DHRSX: variants seen among roughly 807,000 people sequenced by gnomAD.
The protein encoded by DHRSX is polyprenol dehydrogenase.
DHRSX carries 31 observed loss-of-function variants against 34.0 expected under a neutral mutation model. The ratio of observed to expected loss-of-function variants is 0.91; its 90% CI spans 0.69 to 1.23. The LOEUF is 1.23. Ranked by LOEUF, DHRSX falls within the 50% of genes most tolerant of loss-of-function variation. DHRSX has a pLI of 0.00. For synonymous variants in DHRSX, 201 were observed against 183.8 expected (o/e 1.09, Z -0.76); for missense variants, 414 against 428.1 (o/e 0.97, Z 0.29).
intron 1 of DHRSX, among the ~76,000 whole-genome samples, chrX:2,440,997 A>G (rs1343769647): frequency 6.6e-6 from 1 of 152,164 alleles, no homozygotes; most frequent in Non-Finnish European, 1.5e-5. Context: ...GGAGCTACAG[A>G]CGACGCAGAC....
At chrX:2,241,103 GA>G (rs2016130916) in intron 6 of DHRSX, among the ~76,000 whole-genome samples, 1 of 152,084 alleles carries the variant, frequency 6.6e-6, no homozygotes, top group Admixed American at 6.6e-5. Context: ...AGAATCACTT[GA>G]ACCCGGGAGG....
intron 1 of DHRSX, among the ~76,000 whole-genome samples, chrX:2,461,105 C>T (rs2044396641): frequency 6.6e-6 from 1 of 152,168 alleles, no homozygotes; most frequent in Non-Finnish European, 1.5e-5. Flanking sequence ...CAAACCAACA[C>T]CTTTTAAAAC....
intron 3 of DHRSX, among the ~76,000 whole-genome samples, chrX:2,326,224 G>A (rs2042384185): frequency 6.6e-6 from 1 of 152,072 alleles, no homozygotes; most frequent in Non-Finnish European, 1.5e-5. Context: ...ACAAGCCTAA[G>A]TAAGTTAAAA....
intron 3 of DHRSX, among the ~76,000 whole-genome samples, chrX:2,315,833 A>G (rs2042235297): frequency 6.6e-6 from 1 of 152,126 alleles, no homozygotes; most frequent in Non-Finnish European, 1.5e-5. Context: ...GGCAAAATTC[A>G]GCTTCTTGTG....
At chrX:2,464,568 G>T (rs28665426) in intron 1 of DHRSX, among the ~76,000 whole-genome samples, 10,938 of 149,168 alleles carry the variant, frequency 0.073, 497 homozygotes, top group East Asian at 0.2. Flanking sequence ...TGTTCGCACT[G>T]AAGACGCTCC....
intron 1 of DHRSX, among the ~76,000 whole-genome samples, chrX:2,455,095 A>G: frequency 7.0e-6 from 1 of 142,538 alleles, no homozygotes; most frequent in Admixed American, 6.9e-5. Flanking sequence ...CTGGGCAACA[A>G]GAGGGAAACC....
intron 1 of DHRSX, among the ~76,000 whole-genome samples, chrX:2,436,881 C>G (rs1225575167): frequency 1.3e-5 from 2 of 152,108 alleles, no homozygotes; most frequent in Non-Finnish European, 2.9e-5. Flanking sequence ...GATCCTCCCA[C>G]CTTGGCCTCC....
intron 3 of DHRSX, chrX:2,392,405 G>T: frequency 3.6e-6 from 1 of 277,502 alleles, no homozygotes; most frequent in Non-Finnish European, 7.2e-6. Flanking sequence ...TCCTCGAGAG[G>T]CTGAGGTGGG....
intron 1 of DHRSX, among the ~76,000 whole-genome samples, chrX:2,496,200 G>T (rs1429224924): frequency 2.0e-5 from 3 of 151,782 alleles, no homozygotes; most frequent in Non-Finnish European, 4.4e-5. Flanking sequence ...TTGTTTTTTT[G>T]TTTTTTTGGT....
chrX:2,433,408 T>A (rs931010236), intron 1 of DHRSX, among the ~76,000 whole-genome samples: 18 of 152,206 alleles, frequency 1.2e-4, no homozygotes, highest in South Asian at 6.2e-4. Flanking sequence ...CTTTTTTTTT[T>A]AAAGTTCTGG....
At chrX:2,372,202 C>A (rs2043080633) in intron 3 of DHRSX, among the ~76,000 whole-genome samples, 1 of 152,076 alleles carries the variant, frequency 6.6e-6, no homozygotes, top group South Asian at 2.1e-4. Context: ...TCAACGTATC[C>A]TTACCAGAAC....
At chrX:2,314,833 T>C (rs912238946) in intron 3 of DHRSX, among the ~76,000 whole-genome samples, 7 of 152,036 alleles carry the variant, frequency 4.6e-5, no homozygotes, top group African/African-American at 1.7e-4. Context: ...TTACCCGACT[T>C]GAAACACTAT....
At chrX:2,255,858 G>A (rs1433305947) in intron 5 of DHRSX, among the ~76,000 whole-genome samples, 3 of 151,912 alleles carry the variant, frequency 2.0e-5, no homozygotes, top group Non-Finnish European at 4.4e-5. Flanking sequence ...AGGTTGTAGT[G>A]AGCTGAGATT....
intron 3 of DHRSX, among the ~76,000 whole-genome samples, chrX:2,396,204 C>T (rs2043407237): frequency 1.3e-5 from 2 of 151,984 alleles, no homozygotes; most frequent in Admixed American, 6.6e-5. Flanking sequence ...ATTTAAGACT[C>T]ACCCTAATCC....
At chrX:2,485,080 A>G (rs955114989) in intron 1 of DHRSX, among the ~76,000 whole-genome samples, 1 of 152,158 alleles carries the variant, frequency 6.6e-6, no homozygotes, top group Non-Finnish European at 1.5e-5. Context: ...ACCAGCTCAG[A>G]GTTAGGGCTG....
chrX:2,306,078 T>C (rs2042093578), intron 3 of DHRSX, among the ~76,000 whole-genome samples: 1 of 152,178 alleles, frequency 6.6e-6, no homozygotes. Context: ...CATGTTTATC[T>C]ATGTACAATC....
At chrX:2,269,902 G>A (rs1373014666) in intron 4 of DHRSX, among the ~76,000 whole-genome samples, 1 of 152,072 alleles carries the variant, frequency 6.6e-6, no homozygotes, top group Non-Finnish European at 1.5e-5. Flanking sequence ...GTATGTATTT[G>A]TGTATGTATA....
intron 3 of DHRSX, among the ~76,000 whole-genome samples, chrX:2,349,852 C>G (rs1227556664): frequency 1.3e-5 from 2 of 149,132 alleles, no homozygotes; most frequent in Non-Finnish European, 3.0e-5. Flanking sequence ...TCCTGGCTAA[C>G]AGGGTGAAAC....
chrX:2,493,700 CG>C (rs1289094661), intron 1 of DHRSX, among the ~76,000 whole-genome samples: 4 of 152,064 alleles, frequency 2.6e-5, no homozygotes, highest in Non-Finnish European at 4.4e-5. Context: ...CCAGGCACAG[CG>C]GCTCACGCCT....
Sources: allele counts gnomAD v4.1 joint callset (sites outside exome capture counted in the v4.1 genomes callset), GRCh38; gene constraint gnomAD v4.1.1; transcripts MANE v1.5; gene names NCBI Gene and HGNC (gene_info 2026-07-23, HGNC 2026-07-21).